Variants in CARD8 observed in about 807,000 individuals in gnomAD.
The protein encoded by CARD8 is caspase recruitment domain family member 8.
In CARD8, 38 loss-of-function variants were observed where a neutral mutation model predicts 53.2. The observed-to-expected ratio is 0.71, with a 90% confidence interval of 0.55 to 0.94. The LOEUF is 0.94. Among genes scored for constraint, CARD8 ranks in the 40% least tolerant of loss-of-function variants. The pLI, the probability that CARD8 is intolerant of heterozygous loss-of-function variation, is 0.00. For missense variants in CARD8, 561 were observed against 655.5 expected (o/e 0.86, Z 1.57); for synonymous variants, 245 against 244.9 (o/e 1.00, Z 0.00).
At chr19:48,207,893 G>A (rs1281854058), downstream of CARD8, among the ~76,000 whole-genome samples, 1 of 151,550 alleles carries the variant, frequency 6.6e-6, no homozygotes, top group Non-Finnish European at 1.5e-5. Flanking sequence ...GCACCACCAT[G>A]CCCGGCTAAT....
At chr19:48,232,301 C>T (rs1462809813) in intron 7 of CARD8, among the ~76,000 whole-genome samples, 152 bp downstream of exon 7, 1 of 152,218 alleles carries the variant, frequency 6.6e-6, no homozygotes, top group East Asian at 1.9e-4. Flanking sequence ...GCTTACATGT[C>T]CCCATTTAAA....
chr19:48,220,473 G>T (rs1416559983), intron 11 of CARD8, among the ~76,000 whole-genome samples: 1 of 152,148 alleles, frequency 6.6e-6, no homozygotes, highest in African/African-American at 2.4e-5. Context: ...GTCCCATTCT[G>T]AATTAAAGAC....
In CARD8 at chr19:48,230,671, C is replaced by A. The variant is rs201339858; in HGVS notation, c.802G>T (p.Val268Phe). 4.2e-5 allele frequency: 68 copies of A among 1,613,880 alleles called. No homozygotes were observed. Among genetic ancestry groups the A allele is most frequent in the Non-Finnish European group, 5.7e-5 (67 of 1,179,962 alleles). Residue 268 changes from valine (V) to phenylalanine (F), a missense_variant, in exon 10 of 14, where the codon GTT becomes TTT. By Grantham distance (50) the Val-to-Phe change is conservative. Coordinates refer to ENST00000651546, the MANE Select transcript of CARD8 (RefSeq NM_001184900.3). ...ATCCCTTCATTCTTAAAATGGGCAA[C>A]GAGAAACCAGGAGACGTCCACCTCA... ...AGEVDVSWFL[V>F]AHFKNEGMVL...
intron 11 of CARD8, among the ~76,000 whole-genome samples, chr19:48,221,421 G>T (rs1004486154): frequency 7.9e-5 from 12 of 152,060 alleles, no homozygotes; most frequent in African/African-American, 2.9e-4. Flanking sequence ...TACATATTAA[G>T]TGCGTTAGTT....
rs2039889888 is a variant in CARD8, at chr19:48,218,720, C to T, written c.1303+151G>A. Reference sequence around the variant, plus strand: ...CAAAAGGCCCCAGTGTGTGTTGTTCCCCTCCCTGTGTCCATGTGTTTTAAC... The same window carrying T: ...CAAAAGGCCCCAGTGTGTGTTGTTCTCCTCCCTGTGTCCATGTGTTTTAAC... On this transcript the variant is annotated intron_variant, in intron 12 of 13. Coordinates refer to ENST00000651546, the MANE Select transcript of CARD8 (RefSeq NM_001184900.3). 4 of 802,906 alleles carry T rather than the reference C, an allele frequency of 5.0e-6. No individual in the cohort carries two copies. In the South Asian group the frequency reaches 5.3e-5, roughly 11 times the overall value. 49.7% of individuals were successfully genotyped at this position (802,906 alleles called of 1,614,324 possible).
intron 7 of CARD8, 117 bp downstream of exon 7, chr19:48,232,336 T>G: frequency 1.1e-6 from 1 of 936,438 alleles, no homozygotes; most frequent in Non-Finnish European, 1.7e-6. Flanking sequence ...GTGGCAAAGG[T>G]AAGGGAAAGC....
chr19:48,238,646 T>A (rs903337983), intron 4 of CARD8, 114 bp from the exon 5 acceptor site: 5 of 947,074 alleles, frequency 5.3e-6, no homozygotes, highest in African/African-American at 5.0e-5. Context: ...ATATCCATCC[T>A]TAGACATGCC....
At chr19:48,207,036 TG>T (rs999378528), downstream of CARD8, among the ~76,000 whole-genome samples, 5 of 151,734 alleles carry the variant, frequency 3.3e-5, no homozygotes, top group African/African-American at 1.2e-4. Flanking sequence ...GGCGTGGTGG[TG>T]GGCACCTGTA....
At chr19:48,234,379 T>A in intron 6 of CARD8, 24 bp downstream of exon 6, 4 of 1,598,124 alleles carry the variant, frequency 2.5e-6, no homozygotes, top group Middle Eastern at 1.7e-4. Flanking sequence ...TCCAATAGTT[T>A]TCCAACGGAA....
intron 10 of CARD8, among the ~76,000 whole-genome samples, chr19:48,227,875 G>C (rs1319995508): frequency 6.6e-6 from 1 of 151,958 alleles, no homozygotes; most frequent in African/African-American, 2.4e-5. Context: ...GGATCATATA[G>C]AGCAGAGATC....
At chr19:48,248,425 G>A (rs933512381) in intron 3 of CARD8, among the ~76,000 whole-genome samples, 1 of 152,090 alleles carries the variant, frequency 6.6e-6, no homozygotes, top group Non-Finnish European at 1.5e-5. Flanking sequence ...ACAAACAACA[G>A]AGAAATGAAT....
intron 4 of CARD8, 115 bp downstream of exon 4, chr19:48,240,847 T>G: frequency 1.2e-6 from 1 of 852,896 alleles, no homozygotes; most frequent in East Asian, 2.7e-5. Flanking sequence ...ATGAATAAAA[T>G]GTGAGCAGAA....
At position 48,218,146 on chromosome 19, in the gene CARD8, C is replaced by T. The variant is rs567191625; in HGVS notation, c.1303+725G>A. ...TGTTATCACACTGATAATACACTGACAATAGATTTCTCTTTTTTTTTTCTT... is the reference window on the plus strand; with the variant it reads ...TGTTATCACACTGATAATACACTGATAATAGATTTCTCTTTTTTTTTTCTT... On this transcript the variant is annotated intron_variant, in intron 12 of 13. Coordinates refer to ENST00000651546, the MANE Select transcript of CARD8 (RefSeq NM_001184900.3). 3.1e-4 allele frequency among the ~76,000 whole-genome samples: 43 copies of T among 140,950 alleles called. No homozygotes were observed. In the South Asian group the frequency reaches 9.5e-3, roughly 31 times the overall value. 92.5% of individuals were successfully genotyped at this position (140,950 alleles called of 152,430 possible).
chr19:48,221,197 T>A lies in CARD8; in HGVS notation c.1161+533A>T, dbSNP rs113139408. Among the ~76,000 whole-genome samples the A allele has an allele frequency of 7.2e-3, 1,103 of 152,300 alleles. 11 individuals carry two copies. The highest frequency in any genetic ancestry group is 0.025 in the African/African-American group (1,050 of 41,562). On this transcript the variant is annotated intron_variant, in intron 11 of 13. Coordinates refer to ENST00000651546, the MANE Select transcript of CARD8 (RefSeq NM_001184900.3). ...ATGGAAAGACTTCTTGCCAGGGCAC[T>A]TCTTGGGAGAAATTACATGCGACTA...
At chr19:48,255,125 T>C (rs574968801) in intron 1 of CARD8, among the ~76,000 whole-genome samples, 1 of 152,318 alleles carries the variant, frequency 6.6e-6, no homozygotes, top group East Asian at 1.9e-4. Context: ...CCCAACACTT[T>C]GGGAGGCCAA....
chr19:48,224,424 T>C lies in CARD8; in HGVS notation c.1036-2569A>G, dbSNP rs534530561. 6.6e-5 allele frequency among the ~76,000 whole-genome samples: 10 copies of C among 152,180 alleles called. No homozygotes were observed. The South Asian group carries it at 2.1e-3, about 32-fold the overall frequency. On this transcript the variant is annotated intron_variant, in intron 10 of 13. Coordinates refer to ENST00000651546, the MANE Select transcript of CARD8 (RefSeq NM_001184900.3). ...TCATATTGTCTTCCAAATCTGTGTA[T>C]GTGTATTAATATGTGTATTAAAACT...
downstream of CARD8, among the ~76,000 whole-genome samples, chr19:48,207,688 G>A (rs976446729): frequency 3.4e-5 from 5 of 145,190 alleles, no homozygotes; most frequent in African/African-American, 1.3e-4. Flanking sequence ...CTTCTTCTTA[G>A]TAGCTTCATT....
chr19:48,226,688 A>T (rs1181777397), intron 10 of CARD8, among the ~76,000 whole-genome samples: 2 of 152,230 alleles, frequency 1.3e-5, no homozygotes, highest in Admixed American at 1.3e-4. Context: ...AAGCTTGAAG[A>T]CTTTATCCAT....
chr19:48,245,715 C>T (rs1231907283), intron 3 of CARD8, among the ~76,000 whole-genome samples: 1 of 150,368 alleles, frequency 6.7e-6, no homozygotes, highest in African/African-American at 2.4e-5. Flanking sequence ...CATAAATCCT[C>T]AACCAGCTTA....
Sources: gnomAD v4.1 joint callset for allele counts (sites outside exome capture counted in the v4.1 genomes callset) on GRCh38, gnomAD v4.1.1 for gene constraint, MANE v1.5 for transcripts, NCBI Gene and HGNC (gene_info 2026-07-23, HGNC 2026-07-21) for gene names.